The following TMEM87A variants were observed in gnomAD, a reference collection of about 807,000 sequenced individuals.
TMEM87A encodes the protein Golgi-pH regulating cation channel.
TMEM87A carries 50 observed loss-of-function variants against 90.0 expected under a neutral mutation model. That is an observed-to-expected ratio of 0.56 (90% CI 0.44 to 0.70). The LOEUF (loss-of-function observed/expected upper bound fraction) is 0.70, where lower values mean the gene tolerates loss of function less well. Ranked by LOEUF, TMEM87A falls within the 30% of genes least tolerant of loss-of-function variation. TMEM87A has a pLI of 0.00. For missense variants in TMEM87A, 577 were observed against 660.5 expected, an observed-to-expected ratio of 0.87 and a Z score of 1.39; for synonymous variants, 226 against 226.7, an observed-to-expected ratio of 1.00 and a Z score of 0.03.
At chr15:42,239,820 G>T in intron 7 of TMEM87A, 89 bp from the exon 8 acceptor site, 3 of 1,073,686 alleles carry the variant, frequency 2.8e-6, no homozygotes, top group African/African-American at 1.6e-5. Flanking sequence ...AACTTAGTAA[G>T]AATTTCATTG....
chr15:42,236,352 G>T lies in TMEM87A; in HGVS notation c.936C>A (p.Val312=). ...AVKRSLARTL[V]IIVSLGYGIV... is the part of the protein sequence containing the mutation. ...TGCCATATCCCAGACTGACTATGAT[G>T]ACCAGGGTTCGAGCCAGTGAGCGTT... Residue 312 remains valine, a synonymous_variant, in exon 10 of 20, where the codon GTC becomes GTA. Coordinates refer to ENST00000389834, the MANE Select transcript of TMEM87A (RefSeq NM_015497.5). 1.2e-6 allele frequency: 2 copies of T among 1,614,104 alleles called. No homozygotes were observed. The highest frequency in any genetic ancestry group is 2.2e-5 in the South Asian group (2 of 91,046).
intron 18 of TMEM87A, 110 bp from the exon 19 acceptor site, chr15:42,217,943 G>T (rs1335339958): frequency 5.5e-6 from 6 of 1,091,652 alleles, no homozygotes; most frequent in African/African-American, 1.6e-5. Flanking sequence ...TCTAAGATTT[G>T]CATTTTATTA....
At chr15:42,262,827 G>C (rs1271601042) in intron 4 of TMEM87A, among the ~76,000 whole-genome samples, 1 of 152,118 alleles carries the variant, frequency 6.6e-6, no homozygotes, top group Non-Finnish European at 1.5e-5. Flanking sequence ...AATATAGTAA[G>C]GACAAGTATA....
intron 6 of TMEM87A, among the ~76,000 whole-genome samples, chr15:42,259,188 T>C (rs2051239989): frequency 6.6e-6 from 1 of 151,846 alleles, no homozygotes; most frequent in Non-Finnish European, 1.5e-5. Flanking sequence ...AGTGGTGTGA[T>C]CTCGGCTCAT....
At chr15:42,242,276 A>T (rs1390193081) in intron 7 of TMEM87A, among the ~76,000 whole-genome samples, 2 of 152,064 alleles carry the variant, frequency 1.3e-5, no homozygotes, top group Non-Finnish European at 2.9e-5. Context: ...GAAGTACACT[A>T]CCAATGTACT....
intron 6 of TMEM87A, among the ~76,000 whole-genome samples, chr15:42,260,340 C>A (rs1398749199): frequency 6.6e-6 from 1 of 152,196 alleles, no homozygotes; most frequent in Non-Finnish European, 1.5e-5. Context: ...TACCACTGTT[C>A]TCCAGCATGG....
chr15:42,235,522 T>A (rs1362441753), intron 10 of TMEM87A, among the ~76,000 whole-genome samples: 2 of 152,230 alleles, frequency 1.3e-5, no homozygotes, highest in African/African-American at 4.8e-5. Context: ...TGCCATTTTA[T>A]CAGATCAAAA....
At chr15:42,273,103 G>A (rs2051582014) in intron 1 of TMEM87A, 152 bp downstream of exon 1, 7 of 918,568 alleles carry the variant, frequency 7.6e-6, no homozygotes, top group Non-Finnish European at 1.2e-5. Flanking sequence ...CCACTCCAGG[G>A]AGGTGGGTCC....
chr15:42,228,881 T>C (rs1595715478), intron 12 of TMEM87A, 61 bp from the exon 13 acceptor site: 4 of 1,296,772 alleles, frequency 3.1e-6, no homozygotes, highest in Non-Finnish European at 4.3e-6. Context: ...CAATTAGTTT[T>C]CAGGTTTCTT....
intron 19 of TMEM87A, among the ~76,000 whole-genome samples, chr15:42,216,209 G>A (rs1459898518): frequency 6.6e-6 from 1 of 152,164 alleles, no homozygotes; most frequent in Non-Finnish European, 1.5e-5. Context: ...ATAGAATGAT[G>A]GATGCCAGGC....
At position 42,211,707 on chromosome 15, in the gene TMEM87A, C is replaced by G; in HGVS notation, c.*1G>C. The stretch of plus-strand genomic sequence containing the variant: ...TCTTTAACTGCAAATCTTCCCATTC[C>G]TTACTCCATTTTGGACCTTTCAAAG... On this transcript the variant is annotated 3_prime_UTR_variant, in exon 20 of 20. Transcript: ENST00000389834. 2 of 1,613,082 alleles carry G rather than the reference C, an allele frequency of 1.2e-6. No individual in the cohort carries two copies. The highest frequency in any genetic ancestry group is 1.7e-6 in the Non-Finnish European group (2 of 1,179,618).
chr15:42,235,688 A>T (rs1368879016), intron 10 of TMEM87A, among the ~76,000 whole-genome samples: 1 of 152,152 alleles, frequency 6.6e-6, no homozygotes, highest in East Asian at 1.9e-4. Context: ...ACCTCCTTGA[A>T]GTCTCTGCTT....
intron 7 of TMEM87A, 76 bp downstream of exon 7, chr15:42,243,974 T>A (rs908740430): frequency 1.2e-6 from 1 of 859,436 alleles, no homozygotes; most frequent in African/African-American, 1.8e-5. Context: ...TAATACCTAA[T>A]AAAAAAGCAT....
intron 2 of TMEM87A, among the ~76,000 whole-genome samples, 191 bp downstream of exon 2, chr15:42,271,870 CAA>C (rs1453167690): frequency 6.6e-6 from 1 of 151,038 alleles, no homozygotes; most frequent in Non-Finnish European, 1.5e-5. Context: ...ACCAGAAAAA[CAA>C]GAGAAGAAAA....
intron 9 of TMEM87A, 43 bp from the exon 10 acceptor site, chr15:42,236,462 G>T: frequency 6.4e-7 from 1 of 1,564,368 alleles, no homozygotes; most frequent in South Asian, 1.1e-5. Flanking sequence ...ATCTAGGTTT[G>T]GCAACAGGCC....
intron 15 of TMEM87A, among the ~76,000 whole-genome samples, chr15:42,225,615 C>T (rs2140925369): frequency 6.6e-6 from 1 of 152,260 alleles, no homozygotes; most frequent in Admixed American, 6.5e-5. Context: ...TCACTGCAAC[C>T]TCTGTCTCCG....
intron 10 of TMEM87A, among the ~76,000 whole-genome samples, chr15:42,234,166 C>T (rs535063327): frequency 2.6e-5 from 4 of 152,250 alleles, no homozygotes; most frequent in Non-Finnish European, 5.9e-5. Context: ...AATCAAATAT[C>T]CTATTACGGT....
At chr15:42,219,102 CAAACAGGTG>C (rs2050429044) in intron 17 of TMEM87A, 1 of 155,354 alleles carries the variant, frequency 6.4e-6, no homozygotes, top group South Asian at 2.0e-4. Context: ...AAATGCCATT[CAAACAGGTG>C]TGAGGTGTTA....
chr15:42,258,872 C>A, intron 6 of TMEM87A: 1 of 1,518,148 alleles, frequency 6.6e-7, no homozygotes, highest in South Asian at 1.3e-5. Flanking sequence ...AAAATCTACT[C>A]ATCCATAAAA....
Sources: allele counts gnomAD v4.1 joint callset (sites outside exome capture counted in the v4.1 genomes callset), GRCh38; gene constraint gnomAD v4.1.1; transcripts MANE v1.5; gene names NCBI Gene and HGNC (gene_info 2026-07-23, HGNC 2026-07-21).